The following CTNNA2 variants were observed in gnomAD, a reference collection of about 807,000 sequenced individuals.
The protein encoded by CTNNA2 is catenin alpha 2.
CTNNA2 carries 42 observed loss-of-function variants against 101.0 expected under a neutral mutation model. The observed-to-expected ratio is 0.42, with a 90% CI of 0.32 to 0.54. The LOEUF (loss-of-function observed/expected upper bound fraction) is 0.54, where lower values mean the gene tolerates loss of function less well. CTNNA2 is among the 20% of genes least tolerant of loss of function. CTNNA2 has a pLI of 0.14. For synonymous variants in CTNNA2, 450 were observed against 456.4 expected, an observed-to-expected ratio of 0.99 and a Z score of 0.18; for missense variants, 871 against 1,223.1, an observed-to-expected ratio of 0.71 and a Z score of 4.29.
At chr2:80,626,666 T>C (rs568358724) in intron 18 of CTNNA2, among the ~76,000 whole-genome samples, 2 of 152,192 alleles carry the variant, frequency 1.3e-5, no homozygotes, top group South Asian at 2.1e-4. Context: ...CCTTATAAGA[T>C]TCAATTCGAA....
chr2:79,660,715 T>C (rs1221120333), intron 2 of CTNNA2, among the ~76,000 whole-genome samples: 1 of 152,060 alleles, frequency 6.6e-6, no homozygotes, highest in African/African-American at 2.4e-5. Flanking sequence ...TGTTTTGGGA[T>C]TATGCTCAAT....
intron 18 of CTNNA2, among the ~76,000 whole-genome samples, chr2:80,640,007 T>TA: frequency 6.6e-6 from 1 of 151,750 alleles, no homozygotes; most frequent in East Asian, 2.0e-4. Context: ...GAGGCTGAGG[T>TA]AGGAGAATCG....
At chr2:80,482,439 C>T (rs1165977066) in intron 9 of CTNNA2, among the ~76,000 whole-genome samples, 2 of 152,076 alleles carry the variant, frequency 1.3e-5, no homozygotes, top group Admixed American at 1.3e-4. Flanking sequence ...TCATTTTAGG[C>T]GTTATGAGAC....
chr2:79,970,195 G>A (rs1574437451), intron 7 of CTNNA2, among the ~76,000 whole-genome samples: 1 of 152,186 alleles, frequency 6.6e-6, no homozygotes, highest in Non-Finnish European at 1.5e-5. Flanking sequence ...AATGGGAGGA[G>A]CAAGCAATGG....
At chr2:80,165,404 G>T (rs1704615411) in intron 7 of CTNNA2, among the ~76,000 whole-genome samples, 1 of 150,932 alleles carries the variant, frequency 6.6e-6, no homozygotes. Context: ...CATTGTTTTG[G>T]TTCTAAAAGT....
chr2:79,864,420 G>T (rs751075087), intron 4 of CTNNA2, among the ~76,000 whole-genome samples: 4 of 152,170 alleles, frequency 2.6e-5, no homozygotes, highest in Non-Finnish European at 4.4e-5. Flanking sequence ...GTTATGGACA[G>T]TCTTGGATAA....
chr2:80,234,785 T>C (rs555971938), intron 7 of CTNNA2, among the ~76,000 whole-genome samples: 1 of 151,614 alleles, frequency 6.6e-6, no homozygotes, highest in Admixed American at 6.6e-5. Context: ...GTTAATATAA[T>C]ATTTCTTCTA....
At chr2:80,358,516 A>G (rs1674072478) in intron 7 of CTNNA2, among the ~76,000 whole-genome samples, 2 of 151,486 alleles carry the variant, frequency 1.3e-5, no homozygotes, top group Admixed American at 1.3e-4. Context: ...ATGCCTGCCT[A>G]ATTTTTGTAT....
chr2:80,582,991 A>G (rs758035303), intron 14 of CTNNA2, among the ~76,000 whole-genome samples: 11 of 152,168 alleles, frequency 7.2e-5, no homozygotes, highest in Non-Finnish European at 1.5e-4. Context: ...CCCAAAAGAT[A>G]TAAACAAACA....
At chr2:80,066,223 C>G (rs1488814575) in intron 7 of CTNNA2, among the ~76,000 whole-genome samples, 4 of 152,164 alleles carry the variant, frequency 2.6e-5, no homozygotes, top group Admixed American at 2.6e-4. Context: ...TCTGGTTTTG[C>G]TTTTGTTGTC....
At chr2:80,209,238 G>A (rs1437945982) in intron 7 of CTNNA2, among the ~76,000 whole-genome samples, 1 of 134,230 alleles carries the variant, frequency 7.4e-6, no homozygotes. Context: ...GTCTTGCTCT[G>A]TTGCCCAGGC....
At chr2:79,656,285 T>G (rs1681609625) in intron 2 of CTNNA2, among the ~76,000 whole-genome samples, 1 of 152,186 alleles carries the variant, frequency 6.6e-6, no homozygotes, top group African/African-American at 2.4e-5. Flanking sequence ...ATATTAGCTA[T>G]AAACTTCTTA....
chr2:80,366,426 A>G (rs1450065320), intron 7 of CTNNA2, among the ~76,000 whole-genome samples: 1 of 152,098 alleles, frequency 6.6e-6, no homozygotes, highest in Non-Finnish European at 1.5e-5. Flanking sequence ...GCGTGTGTGT[A>G]TGCATGCATT....
chr2:80,609,255 A>G (rs1660872692), intron 17 of CTNNA2, among the ~76,000 whole-genome samples: 1 of 151,856 alleles, frequency 6.6e-6, no homozygotes. Context: ...TCCTGAAGCC[A>G]TTTTTGGAAA....
intron 1 of CTNNA2, among the ~76,000 whole-genome samples, chr2:79,597,591 A>G (rs1295230468): frequency 6.6e-6 from 1 of 152,102 alleles, no homozygotes; most frequent in Non-Finnish European, 1.5e-5. Context: ...GATCTCTTCC[A>G]TTGCAAGGTC....
chr2:80,033,972 T>TAAA lies in CTNNA2; in HGVS notation c.1056+124193_1056+124195dup, dbSNP rs70940069. Reference sequence around the variant, plus strand: ...TACAAACAAATCAAAGCTTATAATGTAAAAAAAAAAAAAAAAAAAAGCACT... The same window carrying TAAA: ...TACAAACAAATCAAAGCTTATAATGTAAAAAAAAAAAAAAAAAAAAAAAGCACT... On this transcript the variant is annotated intron_variant, in intron 7 of 18. Transcript: ENST00000402739. Among the ~76,000 whole-genome samples, 226 of 84,194 alleles carry TAAA rather than the reference T, an allele frequency of 2.7e-3. 1 individual carries two copies. Among genetic ancestry groups the TAAA allele is most frequent in the Middle Eastern group, 7.9e-3 (1 of 126 alleles). The allele number at this position is 84,194 out of a possible 152,430, so 55.2% of individuals were successfully genotyped here.
At chr2:79,374,680 A>G (rs187100785) in intron 4 of CTNNA2, among the ~76,000 whole-genome samples, 206 of 152,256 alleles carry the variant, frequency 1.4e-3, no homozygotes, top group African/African-American at 4.6e-3. Context: ...GAGATGATGT[A>G]TCAGCAGCAA....
In CTNNA2 at chr2:80,343,213, A is replaced by C. The variant is rs150865528; in HGVS notation, c.1057-49998A>C. 7.5e-3 allele frequency among the ~76,000 whole-genome samples: 1,141 copies of C among 152,318 alleles called. 18 individuals are homozygous for C. The highest frequency in any genetic ancestry group is 0.026 in the African/African-American group (1,092 of 41,578). On this transcript the variant is annotated intron_variant, in intron 7 of 18. Coordinates refer to ENST00000402739, the MANE Select transcript of CTNNA2 (RefSeq NM_001282597.3). The stretch of plus-strand genomic sequence containing the variant: ...CAGTTGGAGAGACACAATTCAATCC[A>C]TAACACTACGTCACATTCTAGGGCT...
intron 7 of CTNNA2, among the ~76,000 whole-genome samples, chr2:80,346,108 T>A (rs1162777876): frequency 6.6e-6 from 1 of 152,248 alleles, no homozygotes; most frequent in East Asian, 1.9e-4. Context: ...ATTTATTTTG[T>A]TTCGGGGACT....
Sources: allele counts gnomAD v4.1 joint callset (sites outside exome capture counted in the v4.1 genomes callset), GRCh38; gene constraint gnomAD v4.1.1; transcripts MANE v1.5; gene names NCBI Gene and HGNC (gene_info 2026-07-23, HGNC 2026-07-21).